The following ETV6 variants were observed in gnomAD, a reference collection of about 807,000 sequenced individuals.
The protein encoded by ETV6 is transcription factor ETV6.
In ETV6, 16 loss-of-function variants were observed where a neutral mutation model predicts 51.1. The ratio of observed to expected loss-of-function variants is 0.31; its 90% CI spans 0.21 to 0.48. The LOEUF is 0.48. Among genes scored for constraint, ETV6 ranks in the 20% least tolerant of loss-of-function variants. The pLI is 0.99. For synonymous variants in ETV6, 240 were observed against 224.1 expected, an observed-to-expected ratio of 1.07 and a Z score of -0.64; for missense variants, 458 against 594.8, an observed-to-expected ratio of 0.77 and a Z score of 2.39.
intron 2 of ETV6, among the ~76,000 whole-genome samples, chr12:11,808,361 T>C (rs1945861371): frequency 6.6e-6 from 1 of 151,942 alleles, no homozygotes; most frequent in Non-Finnish European, 1.5e-5. Flanking sequence ...TGACAAGGTA[T>C]ACAGTCTGCC....
At chr12:11,780,793 A>ATG (rs1485623248) in intron 2 of ETV6, among the ~76,000 whole-genome samples, 1 of 152,230 alleles carries the variant, frequency 6.6e-6, no homozygotes, top group Non-Finnish European at 1.5e-5. Context: ...CACATGCGGT[A>ATG]TGTGGATGCT....
intron 1 of ETV6, among the ~76,000 whole-genome samples, chr12:11,656,107 C>G (rs1479306851): frequency 6.6e-6 from 1 of 152,204 alleles, no homozygotes; most frequent in Non-Finnish European, 1.5e-5. Context: ...CTACTGCATG[C>G]TGGTCCTTGT....
At chr12:11,796,775 T>G (rs535692744) in intron 2 of ETV6, among the ~76,000 whole-genome samples, 1,400 of 109,054 alleles carry the variant, frequency 0.013, 24 homozygotes, top group African/African-American at 0.046. Flanking sequence ...TCTTTTTTTT[T>G]TTTTTGTGTG....
At chr12:11,880,497 A>T (rs1012023421) in intron 5 of ETV6, among the ~76,000 whole-genome samples, 2 of 148,618 alleles carry the variant, frequency 1.3e-5, no homozygotes, top group African/African-American at 5.2e-5. Context: ...AGTGCAGGTT[A>T]AGCCCTTACA....
intron 1 of ETV6, among the ~76,000 whole-genome samples, chr12:11,709,821 C>T (rs1439773318): frequency 6.6e-6 from 1 of 152,202 alleles, no homozygotes; most frequent in East Asian, 1.9e-4. Context: ...GCACCACCGG[C>T]TCTTCTCTGG....
At chr12:11,815,823 A>G (rs944489273) in intron 2 of ETV6, among the ~76,000 whole-genome samples, 2 of 152,152 alleles carry the variant, frequency 1.3e-5, no homozygotes, top group Non-Finnish European at 2.9e-5. Context: ...TATGCTGGGT[A>G]TAGTAGAAAC....
chr12:11,820,419 T>A (rs1360052407), intron 2 of ETV6, among the ~76,000 whole-genome samples: 3 of 152,144 alleles, frequency 2.0e-5, no homozygotes, highest in Non-Finnish European at 4.4e-5. Flanking sequence ...GCATGATTAG[T>A]AAAATTATTA....
chr12:11,802,223 C>T (rs1487214056), intron 2 of ETV6, among the ~76,000 whole-genome samples: 1 of 152,136 alleles, frequency 6.6e-6, no homozygotes, highest in Non-Finnish European at 1.5e-5. Flanking sequence ...AAAGTCCAAG[C>T]GTACAGAAGC....
chr12:11,742,577 T>G (rs1865829574), intron 1 of ETV6, among the ~76,000 whole-genome samples: 1 of 152,198 alleles, frequency 6.6e-6, no homozygotes, highest in Admixed American at 6.5e-5. Flanking sequence ...AAATTCTGCC[T>G]CCTTCCCCAG....
intron 2 of ETV6, among the ~76,000 whole-genome samples, chr12:11,783,541 CTTTTG>C (rs1051087566): frequency 1.2e-4 from 18 of 152,072 alleles, no homozygotes; most frequent in East Asian, 5.8e-4. Context: ...GAGGTTTTTG[CTTTTG>C]TTTTGTTTAT....
At position 11,874,690 on chromosome 12, in the gene ETV6, G is replaced by A. The variant is rs905831450; in HGVS notation, c.1009+4721G>A. Among the ~76,000 whole-genome samples the A allele has an allele frequency of 6.5e-3, 836 of 129,006 alleles. 94 individuals carry two copies. Among genetic ancestry groups the A allele is most frequent in the African/African-American group, 0.025 (781 of 31,850 alleles). The allele number at this position is 129,006 out of a possible 152,430, so 84.6% of individuals were successfully genotyped here. A position where few individuals can be genotyped will look rare whatever the true frequency, so the allele number is the denominator to read the frequency against. On this transcript the variant is annotated intron_variant, in intron 5 of 7. Transcript: ENST00000396373. The stretch of plus-strand genomic sequence containing the variant: ...TATATATGTGTGTATATATGTATAT[G>A]TGTGTATATATGTATATATGTATAT...
intron 2 of ETV6, among the ~76,000 whole-genome samples, chr12:11,774,584 C>G (rs1945292035): frequency 6.6e-6 from 1 of 152,154 alleles, no homozygotes. Context: ...TTCCCTCCTC[C>G]CAAGAGGAAT....
intron 2 of ETV6, among the ~76,000 whole-genome samples, chr12:11,789,013 A>G (rs561385151): frequency 3.3e-5 from 5 of 152,028 alleles, no homozygotes; most frequent in Middle Eastern, 3.4e-3. Flanking sequence ...ATGCTTTTAT[A>G]GTATATTTAT....
At chr12:11,680,851 A>G (rs1864514406) in intron 1 of ETV6, among the ~76,000 whole-genome samples, 2 of 152,322 alleles carry the variant, frequency 1.3e-5, no homozygotes, top group Non-Finnish European at 1.5e-5. Context: ...GATGAATCTC[A>G]GACCTTTTAT....
chr12:11,726,535 C>T (rs1046551863), intron 1 of ETV6, among the ~76,000 whole-genome samples: 3 of 152,128 alleles, frequency 2.0e-5, no homozygotes, highest in Non-Finnish European at 2.9e-5. Context: ...CCCAGCACTT[C>T]GGGAGGGCAA....
intron 1 of ETV6, among the ~76,000 whole-genome samples, chr12:11,710,045 A>G (rs540217906): frequency 6.6e-6 from 1 of 152,230 alleles, no homozygotes; most frequent in East Asian, 1.9e-4. Flanking sequence ...ATTAATTTGC[A>G]GAGTATTCTC....
At chr12:11,859,752 G>T (rs546790907) in intron 4 of ETV6, among the ~76,000 whole-genome samples, 49 of 152,092 alleles carry the variant, frequency 3.2e-4, no homozygotes, top group Non-Finnish European at 5.1e-4. Flanking sequence ...TAGTGTAGGC[G>T]CCCTGAAAAT....
intron 1 of ETV6, among the ~76,000 whole-genome samples, chr12:11,700,180 T>C (rs1303046137): frequency 2.6e-5 from 4 of 152,218 alleles, no homozygotes; most frequent in Admixed American, 6.5e-5. Flanking sequence ...ACTCTTGAGC[T>C]ACATGGGGGT....
intron 2 of ETV6, among the ~76,000 whole-genome samples, chr12:11,763,577 C>G (rs1220250241): frequency 6.6e-6 from 1 of 152,166 alleles, no homozygotes; most frequent in East Asian, 1.9e-4. Context: ...TCTTTTGATT[C>G]TTAGAGAAAA....
Sources: allele counts gnomAD v4.1 joint callset (sites outside exome capture counted in the v4.1 genomes callset), GRCh38; gene constraint gnomAD v4.1.1; transcripts MANE v1.5; gene names NCBI Gene and HGNC (gene_info 2026-07-23, HGNC 2026-07-21).